Variants in GSE1 observed in about 807,000 individuals in gnomAD.
The protein encoded by GSE1 is Gse1 coiled-coil protein.
In GSE1, 32 loss-of-function variants were observed where a neutral mutation model predicts 112.6. That is an observed-to-expected ratio of 0.28 (90% CI 0.21 to 0.38). GSE1 has a LOEUF of 0.38. Ranked by LOEUF, GSE1 falls within the 10% of genes least tolerant of loss-of-function variation. The pLI is 1.00. For missense variants in GSE1, 2,348 were observed against 1,699.2 expected (o/e 1.38, Z -6.71); for synonymous variants, 1,115 against 735.6 (o/e 1.52, Z -8.35).
At position 85,654,268 on chromosome 16, in the gene GSE1, C is replaced by G; in HGVS notation, c.427-10C>G. 1 of 1,583,948 alleles carries G rather than the reference C, an allele frequency of 6.3e-7. No individual in the cohort carries two copies. Reference sequence around the variant, plus strand: ...GGCTCCTGCCCTGACTGGACGCTCTCCTCCCGCAGGATGCCGGCTCCAGGA... The same window carrying G: ...GGCTCCTGCCCTGACTGGACGCTCTGCTCCCGCAGGATGCCGGCTCCAGGA... On this transcript the variant is annotated splice_polypyrimidine_tract_variant and intron_variant, in intron 3 of 15. Transcript: ENST00000253458.
chr16:85,541,777 A>G (rs961848649), intron 2 of GSE1, among the ~76,000 whole-genome samples: 1 of 152,184 alleles, frequency 6.6e-6, no homozygotes, highest in Non-Finnish European at 1.5e-5. Flanking sequence ...AACATTCCAC[A>G]TGCGTGTACT....
At chr16:85,360,939 A>T (rs2047058959) in intron 2 of GSE1, among the ~76,000 whole-genome samples, 1 of 152,058 alleles carries the variant, frequency 6.6e-6, no homozygotes, top group African/African-American at 2.4e-5. Context: ...CCACGTGCAG[A>T]CAGACACAGA....
rs535114769 is a variant in GSE1 at position 85,538,196 on chromosome 16, C to T, written c.2465-95718C>T. On this transcript the variant is annotated intron_variant, in intron 2 of 2. Coordinates refer to the GSE1 transcript ENST00000637419. ...GGGCCACCCTAGAGCCACCTGTGGC[C>T]GCCCGGCTGGCCCGCCAGCAATGGG... Among the ~76,000 whole-genome samples the T allele has an allele frequency of 5.3e-5, 8 of 152,322 alleles. No homozygotes were observed. In the South Asian group the frequency reaches 1.2e-3, roughly 24 times the overall value.
intron 1 of GSE1, among the ~76,000 whole-genome samples, chr16:85,587,181 C>CCCA (rs1555538632): frequency 2.0e-5 from 3 of 149,068 alleles, no homozygotes; most frequent in African/African-American, 7.5e-5. Flanking sequence ...CCCCCCCCCC[C>CCCA]AGACCAGACC....
chr16:85,361,602 G>A (rs2047083481), intron 2 of GSE1, among the ~76,000 whole-genome samples: 1 of 152,236 alleles, frequency 6.6e-6, no homozygotes, highest in Non-Finnish European at 1.5e-5. Context: ...GGCCAGGGCA[G>A]GTGGCGCGAC....
At chr16:85,621,173 T>G (rs909944105) in intron 1 of GSE1, among the ~76,000 whole-genome samples, 2 of 151,972 alleles carry the variant, frequency 1.3e-5, no homozygotes, top group African/African-American at 4.8e-5. Context: ...GCCCTGGATC[T>G]CTGCACTGTT....
intron 2 of GSE1, among the ~76,000 whole-genome samples, chr16:85,420,825 C>T (rs1597702726): frequency 6.6e-6 from 1 of 152,208 alleles, no homozygotes; most frequent in Non-Finnish European, 1.5e-5. Flanking sequence ...GGCTGCAGGG[C>T]ACCCGGCCGC....
upstream of GSE1, among the ~76,000 whole-genome samples, chr16:85,611,734 G>A (rs1373665036): frequency 1.3e-5 from 2 of 152,092 alleles, no homozygotes; most frequent in South Asian, 2.1e-4. Flanking sequence ...AGGGCACACA[G>A]GCTGGTTCTG....
chr16:85,626,997 C>T (rs1002712772), intron 1 of GSE1, among the ~76,000 whole-genome samples: 1 of 144,124 alleles, frequency 6.9e-6, no homozygotes, highest in Non-Finnish European at 1.5e-5. Context: ...GCTGGGCCAG[C>T]CAGCCTTGTC....
chr16:85,193,449 C>CT (rs35171946), intron 1 of GSE1, among the ~76,000 whole-genome samples: 22,721 of 151,134 alleles, frequency 0.15, 2,188 homozygotes, highest in African/African-American at 0.27. Context: ...TCACCTGCTT[C>CT]TTTTTTTTGT....
chr16:85,460,174 C>T (rs777323200), intron 2 of GSE1, among the ~76,000 whole-genome samples: 7 of 152,234 alleles, frequency 4.6e-5, no homozygotes, highest in Non-Finnish European at 1.0e-4. Context: ...GCCTGAAACA[C>T]CAAGTGTGTT....
In GSE1 at chr16:85,657,314, C is replaced by A. The variant is rs753863448; in HGVS notation, c.1350C>A (p.Pro450=). ...ATGCCGGCCTGCAGGCGCCCAAGCCCGTCCAACACCCCTTGCATCCGGTGC... is the reference window on the plus strand; with the variant it reads ...ATGCCGGCCTGCAGGCGCCCAAGCCAGTCCAACACCCCTTGCATCCGGTGC... The part of the protein sequence containing the change: ...LKDAGLQAPK[P]VQHPLHPVPT... Residue 450 remains proline (P), a synonymous_variant, in exon 8 of 16, where the codon CCC becomes CCA. Transcript: ENST00000253458. The A allele has an allele frequency of 6.3e-7, 1 of 1,596,416 alleles. No individual in the cohort carries two copies.
intron 2 of GSE1, among the ~76,000 whole-genome samples, chr16:85,548,302 A>G (rs1419782002): frequency 6.6e-6 from 1 of 151,626 alleles, no homozygotes; most frequent in Non-Finnish European, 1.5e-5. Context: ...TTTGAAGTGT[A>G]CAATAGATTA....
chr16:85,629,132 C>T (rs1027046430), intron 1 of GSE1, among the ~76,000 whole-genome samples: 1 of 152,228 alleles, frequency 6.6e-6, no homozygotes, highest in Admixed American at 6.5e-5. Context: ...TAGAAGCCTC[C>T]TGAGGCCTCC....
intron 1 of GSE1, among the ~76,000 whole-genome samples, chr16:85,249,401 A>G (rs1906207928): frequency 1.3e-5 from 2 of 152,118 alleles, no homozygotes; most frequent in Admixed American, 6.5e-5. Context: ...TCGGGCCAGC[A>G]CTCTGTGGGC....
intron 1 of GSE1, among the ~76,000 whole-genome samples, chr16:85,616,919 G>A (rs2048406535): frequency 6.6e-6 from 1 of 152,148 alleles, no homozygotes; most frequent in Admixed American, 6.5e-5. Context: ...ACAGGAGCGT[G>A]GCCAAAAGCA....
At chr16:85,280,018 T>C (rs7499176) in intron 1 of GSE1, among the ~76,000 whole-genome samples, 128,785 of 152,202 alleles carry the variant, frequency 0.85, 54,976 homozygotes, top group Non-Finnish European at 0.91. Flanking sequence ...CTTGCTGAGG[T>C]TCCAGAAAGT....
At chr16:85,636,473 G>A (rs956344358) in intron 2 of GSE1, among the ~76,000 whole-genome samples, 5 of 152,286 alleles carry the variant, frequency 3.3e-5, no homozygotes, top group African/African-American at 9.6e-5. Context: ...TGGGTGACTC[G>A]TTCCTCGTGA....
At chr16:85,600,562 AACAC>A (rs144938363) in intron 1 of GSE1, among the ~76,000 whole-genome samples, 81 of 148,634 alleles carry the variant, frequency 5.4e-4, no homozygotes, top group Non-Finnish European at 8.7e-4. Flanking sequence ...CTTGTTAAAA[AACAC>A]ACACACACAC....
Sources: allele counts gnomAD v4.1 joint callset (sites outside exome capture counted in the v4.1 genomes callset), GRCh38; gene constraint gnomAD v4.1.1; transcripts MANE v1.5; gene names NCBI Gene and HGNC (gene_info 2026-07-23, HGNC 2026-07-21).